HSPA8: variants seen among roughly 807,000 people sequenced by gnomAD.
HSPA8 encodes heat shock protein family A (Hsp70) member 8, also known as heat shock cognate 71 kDa protein.
Under a neutral mutation model 52.8 loss-of-function variants are expected in HSPA8, and 2 were observed. The observed-to-expected ratio is 0.04, with a 90% CI of 0.02 to 0.12. The LOEUF (loss-of-function observed/expected upper bound fraction) is 0.12, where lower values mean the gene tolerates loss of function less well. HSPA8 is among the 10% of genes least tolerant of loss of function. HSPA8 has a pLI of 1.00. For synonymous variants in HSPA8, 436 were observed against 274.0 expected (o/e 1.59, Z -5.84); for missense variants, 349 against 800.5 (o/e 0.44, Z 6.81).
At chr11:123,060,551 A>T (rs1197026809) in intron 3 of HSPA8, 42 bp downstream of exon 3, 2 of 1,457,650 alleles carry the variant, frequency 1.4e-6, no homozygotes, top group East Asian at 4.5e-5. Flanking sequence ...TCGGGCTTTT[A>T]ACTACTCCGG....
Position 123,060,688 on chromosome 11 carries a change from C to G in HSPA8, c.316G>C (p.Glu106Gln), listed in dbSNP as rs200601870. 128 of 1,613,620 alleles carry G rather than the reference C, an allele frequency of 7.9e-5. No homozygotes were observed. Among genetic ancestry groups the G allele is most frequent in the Non-Finnish European group, 9.8e-5 (116 of 1,179,658 alleles). Residue 106 changes from glutamate to glutamine, a missense_variant, in exon 3 of 9, where the codon GAA becomes CAA. Physicochemically the swap from Glu to Gln is conservative, Grantham distance 29. Coordinates refer to ENST00000534624, the MANE Select transcript of HSPA8 (RefSeq NM_006597.6). Reference protein sequence around the residue: ...NDAGRPKVQVEYKGETKSFYP... With the variant: ...NDAGRPKVQVQYKGETKSFYP... ...AAGCTTTTGGTCTCTCCCTTGTATT[C>G]TACTTGGACCTTGGGCCTGCCAGCA...
rs879207204 is a variant in HSPA8, at chr11:123,060,374, C to CCA, written c.412-108_412-107dup. The CCA allele has an allele frequency of 5.5e-5, 63 of 1,137,000 alleles. 1 individual carries two copies. In the South Asian group the frequency reaches 7.8e-4, roughly 14 times the overall value. 70.4% of individuals were successfully genotyped at this position (1,137,000 alleles called of 1,614,324 possible). A position where few individuals can be genotyped will look rare whatever the true frequency, so the allele number is the denominator to read the frequency against. On this transcript the variant is annotated intron_variant, in intron 3 of 8. Transcript: ENST00000534624. ...TGAAAGAACAGCTGGAGCACCCCCC[C>CCA]CACCAAAATGTAAATTACTGTGTAA...
At chr11:123,058,583 A>C in intron 7 of HSPA8, 49 bp downstream of exon 7, 1 of 1,581,596 alleles carries the variant, frequency 6.3e-7, no homozygotes, top group Non-Finnish European at 8.7e-7. Flanking sequence ...CAGTAACTCA[A>C]TTGAAATACC....
chr11:123,061,076 T>C, intron 2 of HSPA8, 44 bp downstream of exon 2: 2 of 1,540,444 alleles, frequency 1.3e-6, no homozygotes, highest in Non-Finnish European at 9.0e-7. Flanking sequence ...TTGTGCTTCC[T>C]AGCCCTGTTA....
chr11:123,059,315 GCTC>G, intron 5 of HSPA8, 54 bp from the exon 6 acceptor site: 7 of 1,498,816 alleles, frequency 4.7e-6, no homozygotes, highest in Non-Finnish European at 6.5e-6. Context: ...CCAGTACATA[GCTC>G]CTGTTTTAAC....
Position 123,059,658 on chromosome 11 carries a change from C to A in HSPA8, c.935G>T (p.Gly312Val). ...GGCTTTCTCTACTGGGTCCAGGGTG[C>A]CACGGAACAGGTCAGCATTCAGTTC... ...FEELNADLFRGTLDPVEKALR... is the reference protein window; with the variant it reads ...FEELNADLFRVTLDPVEKALR... Residue 312 changes from glycine to valine, a missense_variant, in exon 5 of 9, where the codon GGC (glycine) becomes GTC (valine). By Grantham distance (109) the Gly-to-Val change is moderately radical. Transcript: ENST00000534624. The A allele has an allele frequency of 6.2e-7, 1 of 1,614,032 alleles. No individual in the cohort carries two copies. Among genetic ancestry groups the A allele is most frequent in the Non-Finnish European group, 8.5e-7 (1 of 1,179,976 alleles).
chr11:123,061,844 G>A (rs1479853698), intron 1 of HSPA8: 3 of 162,910 alleles, frequency 1.8e-5, no homozygotes, highest in Non-Finnish European at 4.1e-5. Context: ...AGCCTCCCCT[G>A]GGGCCACTGC....
chr11:123,058,210 C>A, intron 8 of HSPA8, 42 bp downstream of exon 8: 1 of 1,214,832 alleles, frequency 8.2e-7, no homozygotes, highest in South Asian at 1.3e-5. Flanking sequence ...CCCTTCCCCT[C>A]CATTGAGTGG....
chr11:123,061,479 G>T (rs750160745), intron 1 of HSPA8, 150 bp from the exon 2 acceptor site: 4 of 649,598 alleles, frequency 6.2e-6, no homozygotes, highest in African/African-American at 5.5e-5. Context: ...GCGAGGTCCA[G>T]AACTAGTGCT....
intron 3 of HSPA8, 91 bp downstream of exon 3, chr11:123,060,502 T>G (rs1343500910): frequency 1.9e-6 from 2 of 1,037,518 alleles, no homozygotes; most frequent in African/African-American, 3.3e-5. Context: ...GCCCCATCTG[T>G]TCCCCTCCCT....
intron 8 of HSPA8, 48 bp from the exon 9 acceptor site, chr11:123,057,967 A>T: frequency 1.4e-6 from 2 of 1,434,678 alleles, no homozygotes; most frequent in South Asian, 2.6e-5. Flanking sequence ...AATGTTAATA[A>T]CCCTTCTTTC....
chr11:123,061,394 A>G, intron 1 of HSPA8, 65 bp from the exon 2 acceptor site: 2 of 1,261,576 alleles, frequency 1.6e-6, no homozygotes, highest in Non-Finnish European at 2.3e-6. Context: ...ATCCCTTAAC[A>G]GAACACTTAA....
chr11:123,061,565 C>G, intron 1 of HSPA8: 1 of 556,234 alleles, frequency 1.8e-6, no homozygotes, highest in South Asian at 2.1e-5. Flanking sequence ...CGGCGTGGGG[C>G]GTTGCTCAAC....
rs778373831 is a variant in HSPA8, at chr11:123,058,687, A to T, written c.1467T>A (p.Ser489=). Residue 489 remains serine, a synonymous_variant, in exon 7 of 9, where the codon TCT becomes TCA. Transcript: ENST00000534624. The part of the protein sequence containing the change: ...DIDANGILNV[S]AVDKSTGKEN... The stretch of plus-strand genomic sequence containing the variant: ...CTTTTCCCGTACTCTTGTCCACAGC[A>T]GAGACATTGAGTATACCATTGGCAT... 2 of 1,613,974 alleles carry T rather than the reference A, an allele frequency of 1.2e-6. No individual in the cohort carries two copies. The highest frequency in any genetic ancestry group is 3.3e-5 in the Admixed American group (2 of 60,014).
At chr11:123,061,541 C>T in intron 1 of HSPA8, 1 of 586,382 alleles carries the variant, frequency 1.7e-6, no homozygotes, top group Non-Finnish European at 3.0e-6. Flanking sequence ...AGATGAAGGA[C>T]CCATCTACCC....
At chr11:123,062,430 C>T (rs2135450745), upstream of HSPA8, 1 of 152,458 alleles carries the variant, frequency 6.6e-6, no homozygotes, top group South Asian at 2.1e-4. Context: ...CGAGTCCGCG[C>T]GCGGGAGTCC....
At chr11:123,060,456 G>C (rs559217363) in intron 3 of HSPA8, 137 bp downstream of exon 3, 20 of 875,774 alleles carry the variant, frequency 2.3e-5, no homozygotes, top group Non-Finnish European at 3.3e-5. Flanking sequence ...GAGAGCCTAG[G>C]GCACTGTTGG....
chr11:123,060,360 C>G (rs1865455595), intron 3 of HSPA8, 92 bp from the exon 4 acceptor site: 7 of 1,244,790 alleles, frequency 5.6e-6, no homozygotes, highest in Non-Finnish European at 8.0e-6. Flanking sequence ...GAAAGAACAG[C>G]TGGAGCACCC....
At chr11:123,060,558 C>A in intron 3 of HSPA8, 35 bp downstream of exon 3, 4 of 1,504,776 alleles carry the variant, frequency 2.7e-6, no homozygotes, top group Non-Finnish European at 3.7e-6. Context: ...TTTAACTACT[C>A]CGGAATGCAC....
Sources: gnomAD v4.1 joint callset for allele counts on GRCh38, gnomAD v4.1.1 for gene constraint, MANE v1.5 for transcripts, NCBI Gene and HGNC (gene_info 2026-07-23, HGNC 2026-07-21) for gene names.